Variants in VLDLR observed in about 807,000 individuals in gnomAD.
VLDLR encodes the protein very low density lipoprotein receptor, also known as very low-density lipoprotein receptor.
Under a neutral mutation model 112.7 loss-of-function variants are expected in VLDLR, and 81 were observed. That is an observed-to-expected ratio of 0.72 (90% CI 0.60 to 0.86). VLDLR has a LOEUF of 0.86. VLDLR is among the 40% of genes least tolerant of loss of function. The pLI is 0.00. For missense variants in VLDLR, 1,237 were observed against 1,099.4 expected (o/e 1.13, Z -1.77); for synonymous variants, 436 against 384.8 (o/e 1.13, Z -1.56).
intron 1 of VLDLR, among the ~76,000 whole-genome samples, chr9:2,627,521 C>A (rs1221721104): frequency 6.6e-6 from 1 of 152,142 alleles, no homozygotes; most frequent in Admixed American, 6.5e-5. Context: ...AAGGGACACA[C>A]TCATTCTGAC....
At chr9:2,627,210 G>A (rs975991231) in intron 1 of VLDLR, among the ~76,000 whole-genome samples, 1 of 152,208 alleles carries the variant, frequency 6.6e-6, no homozygotes, top group Admixed American at 6.5e-5. Flanking sequence ...AGCAGCTGGA[G>A]ATTTCTGGAA....
intron 2 of VLDLR, among the ~76,000 whole-genome samples, chr9:2,639,432 G>A (rs1368822500): frequency 6.6e-6 from 1 of 152,188 alleles, no homozygotes; most frequent in African/African-American, 2.4e-5. Context: ...TCTGGGTGGA[G>A]ACAAACATTC....
chr9:2,628,412 A>G (rs1817191236), intron 1 of VLDLR, among the ~76,000 whole-genome samples: 1 of 152,216 alleles, frequency 6.6e-6, no homozygotes, highest in African/African-American at 2.4e-5. Flanking sequence ...TGGGGAAGTG[A>G]GTGGGTCCCC....
At chr9:2,624,166 T>G (rs1450725432) in intron 1 of VLDLR, among the ~76,000 whole-genome samples, 1 of 152,220 alleles carries the variant, frequency 6.6e-6, no homozygotes, top group African/African-American at 2.4e-5. Context: ...GAGGATCCTT[T>G]TCACTTTGTC....
At position 2,659,625 on chromosome 9, in the gene VLDLR, A is replaced by G. The variant is rs541372396; in HGVS notation, c.*5757A>G. 6.6e-6 allele frequency: 1 copy of G among 152,362 alleles called. No individual in the cohort carries two copies. The highest frequency in any genetic ancestry group is 2.1e-4 in the South Asian group (1 of 4,832). The allele number at this position is 152,362 out of a possible 1,614,324, so 9.4% of individuals were successfully genotyped here. ...GGAGAAAACAAACTGTACCACAACA[A>G]ATCTTAAGTTTCAAGGCTCTCCTAT... On this transcript the variant is annotated 3_prime_UTR_variant, in exon 19 of 19. Coordinates refer to ENST00000382100, the MANE Select transcript of VLDLR (RefSeq NM_003383.5).
chr9:2,643,085 A>T, intron 4 of VLDLR, 75 bp from the exon 5 acceptor site: 5 of 1,592,174 alleles, frequency 3.1e-6, no homozygotes, highest in Non-Finnish European at 4.3e-6. Flanking sequence ...AGATCAATGT[A>T]TTAGATTTTG....
chr9:2,624,651 C>A (rs1282703444), intron 1 of VLDLR, among the ~76,000 whole-genome samples: 1 of 152,144 alleles, frequency 6.6e-6, no homozygotes, highest in Non-Finnish European at 1.5e-5. Flanking sequence ...AAAGAAAATT[C>A]CCTCATTGTG....
At position 2,648,221 on chromosome 9, in the gene VLDLR, T is replaced by A; in HGVS notation, c.1836T>A (p.Ser612Arg). 6.2e-7 allele frequency: 1 copy of A among 1,614,192 alleles called. No homozygotes were observed. The highest frequency in any genetic ancestry group is 8.5e-7 in the Non-Finnish European group (1 of 1,180,012). ...PNGITLDLIKSRLYWLDSKLH... is the reference protein window; with the variant it reads ...PNGITLDLIKRRLYWLDSKLH... ...TTTCCTACCTAGACCTTATAAAAAG[T>A]CGCCTCTATTGGCTTGATTCTAAGT... The change falls in exon 13 of 19, where the codon AGT becomes AGA. Residue 612 changes from serine to arginine, a missense_variant. Transcript: ENST00000382100.
chr9:2,645,726 A>C lies in VLDLR; in HGVS notation c.1465A>C (p.Ser489Arg). Residue 489 changes from serine (S) to arginine (R), a missense_variant, in exon 10 of 19, where the codon AGC becomes CGC. By Grantham distance (110) the Ser-to-Arg change is moderately radical. Coordinates refer to ENST00000382100, the MANE Select transcript of VLDLR (RefSeq NM_003383.5). ...CCAGAAACTATTCTGGGCCGATCTA[A>C]GCCAAAAGGCTATCTTCAGGTAACT... ...AAQKLFWADL[S>R]QKAIFSASID... The C allele has an allele frequency of 6.2e-7, 1 of 1,614,218 alleles. No individual in the cohort carries two copies. Among genetic ancestry groups the C allele is most frequent in the Non-Finnish European group, 8.5e-7 (1 of 1,180,026 alleles).
In VLDLR at chr9:2,648,311, G is replaced by A; in HGVS notation, c.1926G>A (p.Glu642=). Residue 642 remains glutamate, a synonymous_variant, in exon 13 of 19, where the codon GAG becomes GAA. Transcript: ENST00000382100. The part of the protein sequence containing the change: ...QDRRIVLKSL[E]FLAHPLALTI... The stretch of plus-strand genomic sequence containing the variant: ...GTAGGATAGTACTAAAGTCTCTGGA[G>A]TTCCTAGCTCATCCTCTTGCACTAA... 3 of 1,614,204 alleles carry A rather than the reference G, an allele frequency of 1.9e-6. No homozygotes were observed. Among genetic ancestry groups the A allele is most frequent in the Non-Finnish European group, 2.5e-6 (3 of 1,180,030 alleles).
intron 4 of VLDLR, among the ~76,000 whole-genome samples, chr9:2,642,037 C>T (rs1193372143): frequency 6.6e-6 from 1 of 151,726 alleles, no homozygotes; most frequent in Non-Finnish European, 1.5e-5. Flanking sequence ...GAAAAGTCTA[C>T]CCAACTGGTG....
At chr9:2,653,129 C>T (rs1356077890) in intron 18 of VLDLR, among the ~76,000 whole-genome samples, 180 bp downstream of exon 18, 1 of 152,200 alleles carries the variant, frequency 6.6e-6, no homozygotes, top group Non-Finnish European at 1.5e-5. Flanking sequence ...TGATCAGCAT[C>T]TAACCCTCAC....
chr9:2,627,864 CAAAAA>C (rs544070052), intron 1 of VLDLR, among the ~76,000 whole-genome samples: 1 of 104,412 alleles, frequency 9.6e-6, no homozygotes, highest in African/African-American at 3.4e-5. Context: ...GAATCCATCT[CAAAAA>C]AAAAAAAAAA....
intron 8 of VLDLR, 37 bp downstream of exon 8, chr9:2,644,890 T>C: frequency 6.2e-7 from 1 of 1,614,036 alleles, no homozygotes; most frequent in Non-Finnish European, 8.5e-7. Context: ...CTGCAGGTGA[T>C]GGGAAAGGAT....
At chr9:2,640,746 G>A (rs1817787358) in intron 3 of VLDLR, among the ~76,000 whole-genome samples, 1 of 152,138 alleles carries the variant, frequency 6.6e-6, no homozygotes, top group Non-Finnish European at 1.5e-5. Context: ...GGAAGATAAG[G>A]CTGTTACTTT....
chr9:2,634,791 T>A (rs1048670005), intron 1 of VLDLR, among the ~76,000 whole-genome samples: 18 of 152,234 alleles, frequency 1.2e-4, no homozygotes, highest in Non-Finnish European at 2.4e-4. Flanking sequence ...GACCTCAGTT[T>A]CTAAGAGGAG....
chr9:2,651,307 TCTATTTTAC>T, intron 15 of VLDLR, 99 bp from the exon 16 acceptor site: 2 of 888,380 alleles, frequency 2.3e-6, no homozygotes, highest in East Asian at 2.6e-5. Context: ...CAGTGGTTTG[TCTATTTTAC>T]CTGGTTTTAA....
Position 2,622,173 on chromosome 9 carries a change from C to A in VLDLR, c.-17C>A. On this transcript the variant is annotated 5_prime_UTR_variant, in exon 1 of 19. Coordinates refer to ENST00000382100, the MANE Select transcript of VLDLR (RefSeq NM_003383.5). ...GGCGGCGGCGGCGGCGGCGGCGGCA[C>A]CATCCAGGCGGGCACCATGGGCACG... 6.9e-7 allele frequency: 1 copy of A among 1,443,894 alleles called. No homozygotes were observed. Among genetic ancestry groups the A allele is most frequent in the Non-Finnish European group, 9.2e-7 (1 of 1,091,628 alleles). The allele number at this position is 1,443,894 out of a possible 1,614,324, so 89.4% of individuals were successfully genotyped here.
chr9:2,648,388 C>CTATA, intron 13 of VLDLR, 41 bp downstream of exon 13: 1 of 1,613,036 alleles, frequency 6.2e-7, no homozygotes, highest in Non-Finnish European at 8.5e-7. Context: ...CTTTGAGCTA[C>CTATA]TATATCACTT....
Sources: allele counts gnomAD v4.1 joint callset (sites outside exome capture counted in the v4.1 genomes callset), GRCh38; gene constraint gnomAD v4.1.1; transcripts MANE v1.5; gene names NCBI Gene and HGNC (gene_info 2026-07-23, HGNC 2026-07-21).